The following CKAP2 variants were observed in gnomAD, a reference collection of about 807,000 sequenced individuals.
CKAP2 encodes cytoskeleton associated protein 2.
In CKAP2, 46 loss-of-function variants were observed where a neutral mutation model predicts 58.4. The ratio of observed to expected loss-of-function variants is 0.79; its 90% CI spans 0.62 to 1.01. The LOEUF is 1.01. Ranked by LOEUF, CKAP2 falls within the 50% of genes least tolerant of loss-of-function variation. The pLI is 0.00. For synonymous variants in CKAP2, 293 were observed against 280.9 expected (o/e 1.04, Z -0.43); for missense variants, 809 against 796.4 (o/e 1.02, Z -0.19).
chr13:52,472,600 A>G (rs1958775076), intron 7 of CKAP2, among the ~76,000 whole-genome samples: 1 of 152,114 alleles, frequency 6.6e-6, no homozygotes, highest in African/African-American at 2.4e-5. Context: ...TCCCATGCCC[A>G]GTATCCCTTT....
At chr13:52,459,593 G>A (rs761838305) in intron 2 of CKAP2, among the ~76,000 whole-genome samples, 12 of 151,916 alleles carry the variant, frequency 7.9e-5, no homozygotes, top group Non-Finnish European at 1.8e-4. Flanking sequence ...AGAGTGCTAG[G>A]ATTACAGGTG....
chr13:52,473,257 C>A (rs891214280), intron 7 of CKAP2, among the ~76,000 whole-genome samples: 4 of 151,874 alleles, frequency 2.6e-5, no homozygotes, highest in African/African-American at 9.7e-5. Context: ...TTTTACCAAA[C>A]TTCTTTCATA....
At position 52,461,807 on chromosome 13, in the gene CKAP2, A is replaced by G. The variant is rs369584518; in HGVS notation, c.981A>G (p.Ser327=). Reference sequence around the variant, plus strand: ...CTGAAGTTATAGCCAGGCCTGCTTCATTGTCTAATGATAAACTGATGGAAA... The same window carrying G: ...CTGAAGTTATAGCCAGGCCTGCTTCGTTGTCTAATGATAAACTGATGGAAA... ...IASEVIARPA[S]LSNDKLMEKS... The change falls in exon 4 of 9, where the codon TCA becomes TCG. Residue 327 remains serine, a synonymous_variant. Transcript: ENST00000258607. 1.9e-6 allele frequency: 3 copies of G among 1,614,124 alleles called. No homozygotes were observed. Among genetic ancestry groups the G allele is most frequent in the Non-Finnish European group, 2.5e-6 (3 of 1,179,964 alleles).
In CKAP2 at chr13:52,462,387, T is replaced by C. The variant is rs1283531606; in HGVS notation, c.1125T>C (p.Ala375=). The C allele has an allele frequency of 6.2e-7, 1 of 1,613,984 alleles. No homozygotes were observed. The highest frequency in any genetic ancestry group is 1.3e-5 in the African/African-American group (1 of 74,940). The change falls in exon 5 of 9, where the codon GCT becomes GCC. Residue 375 remains alanine, a synonymous_variant. Transcript: ENST00000258607. The part of the protein sequence containing the change: ...ERKARLSEWK[A]GKGRVLKRPP... ...GAGCTCGTCTGAGTGAGTGGAAAGC[T>C]GGCAAAGGAAGAGTGCTAAAAAGGC...
chr13:52,461,890 G>A lies in CKAP2; in HGVS notation c.1064G>A (p.Arg355Lys), dbSNP rs1207005209. The A allele has an allele frequency of 1.2e-6, 2 of 1,611,900 alleles. No individual in the cohort carries two copies. The highest frequency in any genetic ancestry group is 2.7e-5 in the African/African-American group (2 of 74,820). Residue 355 changes from arginine (R) to lysine (K), a missense_variant, in exon 4 of 9, where the codon AGA (arginine) becomes AAA (lysine). Arg to Lys is a conservative substitution (Grantham distance 26, BLOSUM62 2). Around this residue, in one of 3 missense-constraint regions of CKAP2, gnomAD observed 523 missense variants for 492.4 expected, o/e 1.06. Transcript: ENST00000258607. ...HTAGKAIVDS[R>K]SAQPKETSEE... ...GCAGGAAAAGCAATTGTTGATAGTA[G>A]ATCAGCTCAGCCCAAAGAAACCTCG...
At position 52,475,144 on chromosome 13, in the gene CKAP2, GAAAT is replaced by G; in HGVS notation, c.*7_*10del. ...ACTATGAGGCTGATACAACATAAGA[GAAAT>G]AAAGCTCTGTTAGGGAATGGGGTTT... On this transcript the variant is annotated 3_prime_UTR_variant, in exon 9 of 9. Coordinates refer to ENST00000258607, the MANE Select transcript of CKAP2 (RefSeq NM_018204.5). 1.2e-6 allele frequency: 2 copies of G among 1,610,736 alleles called. No individual in the cohort carries two copies.
chr13:52,462,028 GTTTCTCTTCTGTCATATGCAGGCAAATTT>G (rs1958593937), intron 4 of CKAP2, 102 bp downstream of exon 4: 2 of 1,158,324 alleles, frequency 1.7e-6, no homozygotes, highest in East Asian at 5.3e-5. Flanking sequence ...TTCTTTCATG[GTTTCTCTTCTGTCATATGCAGGCAAATTT>G]ATATTGTGGA....
rs1958480028 is a variant in CKAP2, at chr13:52,456,403, G to A, written c.71-120G>A. Reference sequence around the variant, plus strand: ...GAATTGGAGAATTTTCTGTTATATAGATGTGACCTCAGGTGGAACCAGCTT... The same window carrying A: ...GAATTGGAGAATTTTCTGTTATATAAATGTGACCTCAGGTGGAACCAGCTT... On this transcript the variant is annotated intron_variant, in intron 1 of 8. Transcript: ENST00000258607. 8.5e-6 allele frequency: 7 copies of A among 824,932 alleles called. No homozygotes were observed. In the South Asian group the frequency reaches 1.0e-4, roughly 12 times the overall value. The allele number at this position is 824,932 out of a possible 1,614,324, so 51.1% of individuals were successfully genotyped here.
chr13:52,455,687 G>C, intron 1 of CKAP2, 61 bp downstream of exon 1: 1 of 1,414,588 alleles, frequency 7.1e-7, no homozygotes, highest in East Asian at 2.9e-5. Flanking sequence ...CGCGGGCCCG[G>C]CGGTCGGGGC....
chr13:52,458,640 A>T (rs1360645524), intron 2 of CKAP2, among the ~76,000 whole-genome samples: 1 of 152,158 alleles, frequency 6.6e-6, no homozygotes, highest in Non-Finnish European at 1.5e-5. Context: ...AGGCGGGTGT[A>T]TCACTTGAGG....
At chr13:52,465,921 A>ATATATATACACACG in intron 6 of CKAP2, 3 of 323,940 alleles carry the variant, frequency 9.3e-6, no homozygotes, top group Non-Finnish European at 1.8e-5. Context: ...ATATACACAC[A>ATATATATACACACG]TATATATACA....
chr13:52,463,510 T>G (rs186954412), intron 5 of CKAP2, among the ~76,000 whole-genome samples: 368 of 152,326 alleles, frequency 2.4e-3, no homozygotes, highest in African/African-American at 7.1e-3. Context: ...GTGAAAAATA[T>G]GTTCAGAGTA....
intron 7 of CKAP2, 79 bp from the exon 8 acceptor site, chr13:52,473,750 C>A: frequency 7.3e-7 from 1 of 1,364,634 alleles, no homozygotes; most frequent in Non-Finnish European, 1.0e-6. Flanking sequence ...ATGTGGCCAA[C>A]TAGGAACAAC....
In CKAP2 at chr13:52,461,616, C is replaced by T. The variant is rs545281527; in HGVS notation, c.790C>T (p.Arg264Trp). 83 of 1,613,974 alleles carry T rather than the reference C, an allele frequency of 5.1e-5. No homozygotes were observed. Among genetic ancestry groups the T allele is most frequent in the South Asian group, 8.8e-5 (8 of 91,066 alleles). The change falls in exon 4 of 9, where the codon CGG becomes TGG. Residue 264 changes from arginine to tryptophan, a missense_variant. By Grantham distance (101) the Arg-to-Trp change is moderately radical. This residue lies in a region of CKAP2 where 523 missense variants were observed against 492.4 expected (regional missense o/e 1.06). Coordinates refer to ENST00000258607, the MANE Select transcript of CKAP2 (RefSeq NM_018204.5). ...PPIRSHHSNTRDTVKQGISRT... is the reference protein window; with the variant it reads ...PPIRSHHSNTWDTVKQGISRT... Reference sequence around the variant, plus strand: ...TATTAGAAGTCATCACAGTAATACCCGGGACACTGTGAAACAAGGCATCAG... The same window carrying T: ...TATTAGAAGTCATCACAGTAATACCTGGGACACTGTGAAACAAGGCATCAG...
At chr13:52,456,858 A>G (rs988166913) in intron 2 of CKAP2, among the ~76,000 whole-genome samples, 1 of 152,046 alleles carries the variant, frequency 6.6e-6, no homozygotes, top group Non-Finnish European at 1.5e-5. Context: ...GCTAGTGGCT[A>G]CTTTATTGGA....
chr13:52,475,890 C>G lies in CKAP2; in HGVS notation c.*749C>G, dbSNP rs1958822232. The stretch of plus-strand genomic sequence containing the variant: ...ACATTTAGTGGTTTAACTTTTGTAA[C>G]TTCACTTGATAGTTTTTAAGCAATT... On this transcript the variant is annotated 3_prime_UTR_variant, in exon 9 of 9. Transcript: ENST00000258607. The G allele has an allele frequency of 6.6e-6, 1 of 152,214 alleles. No homozygotes were observed. Among genetic ancestry groups the G allele is most frequent in the Non-Finnish European group, 1.5e-5 (1 of 68,030 alleles). 9.4% of individuals were successfully genotyped at this position (152,214 alleles called of 1,614,324 possible).
chr13:52,461,798 G>A lies in CKAP2; in HGVS notation c.972G>A (p.Arg324=), dbSNP rs780609546. The A allele has an allele frequency of 2.5e-6, 4 of 1,614,000 alleles. No individual in the cohort carries two copies. The highest frequency in any genetic ancestry group is 1.1e-5 in the South Asian group (1 of 91,066). Residue 324 remains arginine, a synonymous_variant, in exon 4 of 9, where the codon AGG becomes AGA. Coordinates refer to ENST00000258607, the MANE Select transcript of CKAP2 (RefSeq NM_018204.5). ...CCATAGCATCTGAAGTTATAGCCAG[G>A]CCTGCTTCATTGTCTAATGATAAAC... The part of the protein sequence containing the change: ...SRSIASEVIA[R]PASLSNDKLM...
intron 6 of CKAP2, among the ~76,000 whole-genome samples, chr13:52,467,888 C>A (rs1958704337): frequency 1.3e-5 from 2 of 151,534 alleles, no homozygotes; most frequent in Admixed American, 6.6e-5. Flanking sequence ...CGGCTCACTG[C>A]AAGCTCCGCT....
chr13:52,470,683 G>A (rs1733051966), intron 7 of CKAP2, among the ~76,000 whole-genome samples: 1 of 152,104 alleles, frequency 6.6e-6, no homozygotes, highest in Non-Finnish European at 1.5e-5. Flanking sequence ...AGCATGCTTA[G>A]TTCATCATGG....
Sources: gnomAD v4.1 joint callset for allele counts (sites outside exome capture counted in the v4.1 genomes callset) on GRCh38, gnomAD v4.1.1 for gene constraint, gnomAD v4.1.1 regional missense constraint, MANE v1.5 for transcripts, NCBI Gene and HGNC (gene_info 2026-07-23, HGNC 2026-07-21) for gene names.